The following TNN variants were observed in gnomAD, a reference collection of about 807,000 sequenced individuals.
The protein encoded by TNN is tenascin N, also known as tenascin-N.
In TNN, 122 loss-of-function variants were observed where a neutral mutation model predicts 134.4. The ratio of observed to expected loss-of-function variants is 0.91; its 90% CI spans 0.78 to 1.06. The LOEUF (loss-of-function observed/expected upper bound fraction) is 1.06, where lower values mean the gene tolerates loss of function less well. Ranked by LOEUF, TNN falls within the 50% of genes least tolerant of loss-of-function variation. TNN has a pLI of 0.00. For synonymous variants in TNN, 710 were observed against 670.3 expected (o/e 1.06, Z -0.91); for missense variants, 1,739 against 1,699.4 (o/e 1.02, Z -0.41).
chr1:175,144,674 C>A, intron 18 of TNN, 124 bp downstream of exon 18: 1 of 1,073,244 alleles, frequency 9.3e-7, no homozygotes. Context: ...AGCAGTAGAG[C>A]TTCTCCTCCA....
At chr1:175,108,627 G>A (rs1317300598) in intron 9 of TNN, among the ~76,000 whole-genome samples, 2 of 152,246 alleles carry the variant, frequency 1.3e-5, no homozygotes, top group Non-Finnish European at 2.9e-5. Context: ...AAGGCTCAGC[G>A]AGAAATCGAG....
chr1:175,146,720 C>T (rs1035314022), intron 18 of TNN, among the ~76,000 whole-genome samples: 3 of 151,982 alleles, frequency 2.0e-5, no homozygotes, highest in African/African-American at 7.3e-5. Context: ...CCTCTCAGCC[C>T]GTCTAACCCC....
intron 18 of TNN, 35 bp downstream of exon 18, chr1:175,144,585 G>T (rs761078082): frequency 3.7e-6 from 6 of 1,606,342 alleles, no homozygotes; most frequent in Admixed American, 1.7e-5. Context: ...CTGTCCCAGG[G>T]TATGTCCATA....
intron 1 of TNN, among the ~76,000 whole-genome samples, chr1:175,070,250 T>C (rs1350074767): frequency 2.0e-5 from 3 of 152,234 alleles, no homozygotes; most frequent in Non-Finnish European, 4.4e-5. Context: ...AATAAATGCA[T>C]AGAAAATGGT....
At chr1:175,121,051 G>A (rs961468207) in intron 11 of TNN, among the ~76,000 whole-genome samples, 2 of 152,116 alleles carry the variant, frequency 1.3e-5, no homozygotes, top group Admixed American at 6.5e-5. Context: ...CCAAAGTGCT[G>A]GGATTACAGG....
chr1:175,128,668 C>T lies in TNN; in HGVS notation c.3252C>T (p.Tyr1084=), dbSNP rs147340984. The T allele has an allele frequency of 3.4e-5, 55 of 1,614,064 alleles. No homozygotes were observed. The highest frequency in any genetic ancestry group is 4.6e-5 in the Non-Finnish European group (54 of 1,179,998). ...ACAGCAATGCCGCCAGTGGTCTGTA[C>T]ACCATCTACCTGCATGGCGATGCCA... The part of the protein sequence containing the change: ...QQNSNAASGL[Y]TIYLHGDASR... Residue 1084 remains tyrosine (Y), a synonymous_variant, in exon 15 of 19, where the codon TAC becomes TAT. Coordinates refer to ENST00000239462, the MANE Select transcript of TNN (RefSeq NM_022093.2).
Position 175,083,787 on chromosome 1 carries a change from G to T in TNN, c.1086G>T (p.Glu362Asp). ...TTGGCACTGCCTGGGTGACAGATGA[G>T]ACTGAGAACTCCCTTGACGTGGAGT... is the stretch of plus-strand genomic sequence containing the variant. ...AVLGTAWVTD[E>D]TENSLDVEWE... Residue 362 changes from glutamate to aspartate, a missense_variant, in exon 5 of 19, where the codon GAG becomes GAT. Coordinates refer to ENST00000239462, the MANE Select transcript of TNN (RefSeq NM_022093.2). The T allele has an allele frequency of 1.2e-6, 2 of 1,614,182 alleles. No individual in the cohort carries two copies. The highest frequency in any genetic ancestry group is 1.7e-6 in the Non-Finnish European group (2 of 1,180,044).
intron 17 of TNN, among the ~76,000 whole-genome samples, chr1:175,143,943 C>T (rs1471312193): frequency 6.6e-6 from 1 of 151,838 alleles, no homozygotes; most frequent in Non-Finnish European, 1.5e-5. Flanking sequence ...ATGTGAGTGA[C>T]CTGCAGAGGG....
intron 15 of TNN, among the ~76,000 whole-genome samples, chr1:175,130,759 C>T (rs768238965): frequency 6.6e-6 from 1 of 152,146 alleles, no homozygotes; most frequent in African/African-American, 2.4e-5. Context: ...TGAACCAAAC[C>T]AACAGAAATC....
At chr1:175,117,279 C>T in intron 10 of TNN, 74 bp downstream of exon 10, 1 of 1,593,892 alleles carries the variant, frequency 6.3e-7, no homozygotes, top group Non-Finnish European at 8.5e-7. Context: ...TGTTTTCCTT[C>T]TCTGACATTG....
chr1:175,075,409 A>G (rs527983491), intron 1 of TNN, among the ~76,000 whole-genome samples: 4 of 152,114 alleles, frequency 2.6e-5, no homozygotes, highest in South Asian at 2.1e-4. Flanking sequence ...GCAGTTCTCT[A>G]TCTCAGCCTC....
Position 175,085,431 on chromosome 1 carries a change from A to T in TNN, c.1261A>T (p.Ile421Phe). ...TCTGCACCCGGGGACTGAGTATAAG[A>T]TCACGGTGGTGCCCATGAGAGGAGA... is the stretch of plus-strand genomic sequence containing the variant. The part of the protein sequence containing the change: ...TGLHPGTEYK[I>F]TVVPMRGELE... The change falls in exon 6 of 19, where the codon ATC becomes TTC. Residue 421 changes from isoleucine to phenylalanine, a missense_variant. By Grantham distance (21) the Ile-to-Phe change is conservative (BLOSUM62 0). Coordinates refer to ENST00000239462, the MANE Select transcript of TNN (RefSeq NM_022093.2). The T allele has an allele frequency of 6.2e-7, 1 of 1,612,962 alleles. No individual in the cohort carries two copies. The highest frequency in any genetic ancestry group is 8.5e-7 in the Non-Finnish European group (1 of 1,179,430).
chr1:175,089,622 G>C (rs1421883851), intron 6 of TNN, among the ~76,000 whole-genome samples: 3 of 152,194 alleles, frequency 2.0e-5, no homozygotes, highest in East Asian at 1.9e-4. Context: ...GACTAAATGA[G>C]TTTAAAGTCC....
intron 16 of TNN, 29 bp downstream of exon 16, chr1:175,135,970 G>C (rs1308676264): frequency 2.0e-6 from 3 of 1,521,902 alleles, no homozygotes; most frequent in Admixed American, 1.7e-5. Context: ...GGAGGCTGGG[G>C]CTGTGGGGGG....
chr1:175,129,038 C>T (rs1180048194), intron 15 of TNN, among the ~76,000 whole-genome samples: 1 of 152,044 alleles, frequency 6.6e-6, no homozygotes, highest in Non-Finnish European at 1.5e-5. Flanking sequence ...GGTGAAAGTA[C>T]AGCTACTCCA....
chr1:175,120,960 C>T (rs752948731), intron 11 of TNN, among the ~76,000 whole-genome samples: 1 of 152,132 alleles, frequency 6.6e-6, no homozygotes, highest in Non-Finnish European at 1.5e-5. Flanking sequence ...GCCACTAAAC[C>T]TGTAATTTTT....
chr1:175,097,422 G>A lies in TNN; in HGVS notation c.1594G>A (p.Asp532Asn). 6.2e-7 allele frequency: 1 copy of A among 1,614,200 alleles called. No homozygotes were observed. Among genetic ancestry groups the A allele is most frequent in the South Asian group, 1.1e-5 (1 of 91,084 alleles). ...CTTTCATCTCTCTCTTAAAGAAATT[G>A]ACAGCCCAGCAAACCTGGTGACTGA... Reference protein sequence around the residue: ...KADTNALTEIDSPANLVTDRV... With the variant: ...KADTNALTEINSPANLVTDRV... The change falls in exon 8 of 19, where the codon GAC becomes AAC. Residue 532 changes from aspartate to asparagine, a missense_variant. Coordinates refer to ENST00000239462, the MANE Select transcript of TNN (RefSeq NM_022093.2).
chr1:175,102,697 C>T (rs1170374682), intron 9 of TNN, among the ~76,000 whole-genome samples: 4 of 146,176 alleles, frequency 2.7e-5, no homozygotes, highest in Non-Finnish European at 3.0e-5. Flanking sequence ...CACACCTCCC[C>T]GCAAGCTGAG....
rs756617006 is a variant in TNN at position 175,077,370 on chromosome 1, G to A, written c.-35-14G>A. 3 of 1,547,850 alleles carry A rather than the reference G, an allele frequency of 1.9e-6. No individual in the cohort carries two copies. Among genetic ancestry groups the A allele is most frequent in the Non-Finnish European group, 2.6e-6 (3 of 1,146,490 alleles). On this transcript the variant is annotated splice_polypyrimidine_tract_variant and intron_variant, in intron 1 of 18. Coordinates refer to ENST00000239462, the MANE Select transcript of TNN (RefSeq NM_022093.2). ...CATCTCCGTGGCTTTCTTTTGCAAT[G>A]TTTCTGAATACAGGCATCCTGGAGG...
Sources: gnomAD v4.1 joint callset for allele counts (sites outside exome capture counted in the v4.1 genomes callset) on GRCh38, gnomAD v4.1.1 for gene constraint, MANE v1.5 for transcripts, NCBI Gene and HGNC (gene_info 2026-07-23, HGNC 2026-07-21) for gene names.